The following NF2 variants were observed in gnomAD, a reference collection of about 807,000 sequenced individuals.
The protein encoded by NF2 is merlin.
Under a neutral mutation model 83.7 loss-of-function variants are expected in NF2, and 8 were observed. The ratio of observed to expected loss-of-function variants is 0.10; its 90% CI spans 0.06 to 0.17. The LOEUF is 0.17. Among genes scored for constraint, NF2 ranks in the 10% least tolerant of loss-of-function variants. NF2 has a pLI of 1.00. For synonymous variants in NF2, 266 were observed against 269.6 expected, an observed-to-expected ratio of 0.99 and a Z score of 0.13; for missense variants, 533 against 744.4, an observed-to-expected ratio of 0.72 and a Z score of 3.31.
chr22:29,676,214 C>T (rs2066960044), intron 13 of NF2, among the ~76,000 whole-genome samples: 1 of 151,826 alleles, frequency 6.6e-6, no homozygotes, highest in Non-Finnish European at 1.5e-5. Context: ...TACTCTGTCA[C>T]CCAGGCTGGA....
intron 3 of NF2, among the ~76,000 whole-genome samples, chr22:29,641,721 T>G (rs926837925): frequency 6.6e-6 from 1 of 152,242 alleles, no homozygotes; most frequent in Non-Finnish European, 1.5e-5. Flanking sequence ...TATTGCTTCC[T>G]TTTCCCTTAG....
At chr22:29,654,783 G>A (rs2146968121) in intron 5 of NF2, 58 bp downstream of exon 5, 1 of 1,319,550 alleles carries the variant, frequency 7.6e-7, no homozygotes, top group Non-Finnish European at 1.1e-6. Context: ...CTAAAAGAAA[G>A]CTAACCAAAG....
At chr22:29,643,968 G>C (rs1351498792) in intron 4 of NF2, among the ~76,000 whole-genome samples, 4 of 132,638 alleles carry the variant, frequency 3.0e-5, no homozygotes, top group African/African-American at 1.1e-4. Flanking sequence ...CTGGCGGGGG[G>C]CTGACCCCCC....
At chr22:29,606,784 G>C (rs753718376) in intron 1 of NF2, among the ~76,000 whole-genome samples, 1 of 152,176 alleles carries the variant, frequency 6.6e-6, no homozygotes, top group Non-Finnish European at 1.5e-5. Flanking sequence ...GGTGGCTCAC[G>C]CCTGTAATCC....
intron 4 of NF2, among the ~76,000 whole-genome samples, chr22:29,646,446 C>T (rs1474425313): frequency 6.6e-6 from 1 of 152,162 alleles, no homozygotes; most frequent in African/African-American, 2.4e-5. Flanking sequence ...TATATGATCA[C>T]ATTTGTCTAA....
chr22:29,676,260 G>A (rs749502760), intron 13 of NF2, among the ~76,000 whole-genome samples: 2 of 151,878 alleles, frequency 1.3e-5, no homozygotes, highest in Non-Finnish European at 2.9e-5. Flanking sequence ...TGCAACCTTA[G>A]CCTCATAGGC....
intron 1 of NF2, among the ~76,000 whole-genome samples, chr22:29,605,470 AGCCTCAC>A (rs1171912264): frequency 6.6e-6 from 1 of 151,926 alleles, no homozygotes; most frequent in Non-Finnish European, 1.5e-5. Context: ...CACCCCGCCC[AGCCTCAC>A]CTAGCTAATT....
intron 13 of NF2, among the ~76,000 whole-genome samples, chr22:29,676,340 AT>A (rs998134865): frequency 1.4e-4 from 21 of 147,414 alleles, no homozygotes; most frequent in South Asian, 2.2e-4. Flanking sequence ...CGCCCAGCTA[AT>A]TTTTTTTTTT....
At chr22:29,615,988 C>A (rs1198290621) in intron 1 of NF2, among the ~76,000 whole-genome samples, 1 of 152,128 alleles carries the variant, frequency 6.6e-6, no homozygotes, top group Non-Finnish European at 1.5e-5. Context: ...AATTACTTGG[C>A]AATAAAATAG....
intron 1 of NF2, chr22:29,609,212 G>T (rs936531669): frequency 1.2e-5 from 9 of 735,064 alleles, no homozygotes; most frequent in Non-Finnish European, 2.0e-5. Context: ...GGCACCATGG[G>T]CTAATCAACT....
chr22:29,640,117 C>T (rs1490160899), intron 3 of NF2, among the ~76,000 whole-genome samples: 1 of 147,628 alleles, frequency 6.8e-6, no homozygotes, highest in Non-Finnish European at 1.5e-5. Context: ...ATCACTTGAA[C>T]CCAGGAGGCG....
At chr22:29,647,803 GTTTA>G (rs1162445951) in intron 4 of NF2, among the ~76,000 whole-genome samples, 9 of 151,992 alleles carry the variant, frequency 5.9e-5, no homozygotes, top group Non-Finnish European at 1.3e-4. Context: ...AATAAACCTA[GTTTA>G]TTTATCTGTT....
intron 15 of NF2, among the ~76,000 whole-genome samples, chr22:29,685,968 T>A (rs569559008): frequency 5.3e-5 from 8 of 151,216 alleles, no homozygotes; most frequent in Admixed American, 2.6e-4. Flanking sequence ...TTTTTTTTTT[T>A]ATTATACTTT....
At chr22:29,609,003 C>A in intron 1 of NF2, 1 of 672,600 alleles carries the variant, frequency 1.5e-6, no homozygotes, top group East Asian at 2.6e-5. Flanking sequence ...ATTATCTCCA[C>A]CGGAATGTAA....
In NF2 at chr22:29,647,003, T is replaced by C. The variant is rs148673069; in HGVS notation, c.447+4718T>C. On this transcript the variant is annotated intron_variant, in intron 4 of 15. Transcript: ENST00000338641. ...GTGAGCTGAGATTGAGCCATTGCAC[T>C]CCAGCCTGGGTGACAAAGTGAGACT... 9.0e-3 allele frequency among the ~76,000 whole-genome samples: 1,292 copies of C among 142,924 alleles called. 17 individuals are homozygous for C. Among genetic ancestry groups the C allele is most frequent in the African/African-American group, 0.032 (1,230 of 38,138 alleles). The allele number at this position is 142,924 out of a possible 152,430, so 93.8% of individuals were successfully genotyped here. A position where few individuals can be genotyped will look rare whatever the true frequency, so the allele number is the denominator to read the frequency against.
At chr22:29,644,097 G>A (rs75506281) in intron 4 of NF2, among the ~76,000 whole-genome samples, 1 of 151,442 alleles carries the variant, frequency 6.6e-6, no homozygotes, top group Non-Finnish European at 1.5e-5. Flanking sequence ...GGTGGCTGCC[G>A]GGCGGAGGGG....
rs5752952 is a variant in NF2 at position 29,681,736 on chromosome 22, T to C, written c.1737+135T>C. The C allele has an allele frequency of 0.038, 39,863 of 1,038,782 alleles. 4,311 individuals carry two copies. The highest frequency in any genetic ancestry group is 0.32 in the African/African-American group (19,800 of 62,556). The allele number at this position is 1,038,782 out of a possible 1,614,324, so 64.3% of individuals were successfully genotyped here. A position where few individuals can be genotyped will look rare whatever the true frequency, so the allele number is the denominator to read the frequency against. On this transcript the variant is annotated intron_variant, in intron 15 of 15. Transcript: ENST00000338641. ...TTGTATGTACTTAGTTGAGGAAATT[T>C]TTTAACTTATGCCAGAAAGGGAATT... is the stretch of plus-strand genomic sequence containing the variant.
At chr22:29,681,903 G>T (rs1186469242) in intron 15 of NF2, among the ~76,000 whole-genome samples, 2 of 152,130 alleles carry the variant, frequency 1.3e-5, no homozygotes, top group African/African-American at 4.8e-5. Flanking sequence ...AAGCCAAGGG[G>T]TGTTATACCC....
chr22:29,610,389 A>G (rs1386702806), intron 1 of NF2, among the ~76,000 whole-genome samples: 1 of 152,086 alleles, frequency 6.6e-6, no homozygotes, highest in Non-Finnish European at 1.5e-5. Flanking sequence ...TCATGCCTGT[A>G]ATCCCAGCAC....
Sources: gnomAD v4.1 joint callset for allele counts (sites outside exome capture counted in the v4.1 genomes callset) on GRCh38, gnomAD v4.1.1 for gene constraint, MANE v1.5 for transcripts, NCBI Gene and HGNC (gene_info 2026-07-23, HGNC 2026-07-21) for gene names.